Variants in KHDRBS2 observed in about 807,000 individuals in gnomAD.
KHDRBS2 encodes the protein KH RNA binding domain containing, signal transduction associated 2.
KHDRBS2 carries 26 observed loss-of-function variants against 44.3 expected under a neutral mutation model. The ratio of observed to expected loss-of-function variants is 0.59; its 90% CI spans 0.43 to 0.81. The LOEUF is 0.81. Ranked by LOEUF, KHDRBS2 falls within the 40% of genes least tolerant of loss-of-function variation. The pLI, the probability that KHDRBS2 is intolerant of heterozygous loss-of-function variation, is 0.00. For missense variants in KHDRBS2, 476 were observed against 433.1 expected (o/e 1.10, Z -0.88); for synonymous variants, 194 against 151.1 (o/e 1.28, Z -2.08).
intron 2 of KHDRBS2, among the ~76,000 whole-genome samples, chr6:62,124,619 A>C (rs1195398272): frequency 1.3e-5 from 2 of 150,310 alleles, no homozygotes; most frequent in Non-Finnish European, 3.0e-5. Flanking sequence ...ACACACACAC[A>C]CCACCTTTAT....
chr6:62,141,258 T>C lies in KHDRBS2; in HGVS notation c.219+35927A>G, dbSNP rs1330850561. Among the ~76,000 whole-genome samples the C allele has an allele frequency of 2.6e-5, 4 of 152,178 alleles. No homozygotes were observed. The East Asian group carries it at 5.8e-4, about 22-fold the overall frequency. On this transcript the variant is annotated intron_variant, in intron 2 of 8. Transcript: ENST00000281156. ...GAAGATATTAGACAGCAGCTAGATG[T>C]ATGCTTTCTTCGTACAATGGGGAGG... is the stretch of plus-strand genomic sequence containing the variant.
At chr6:61,662,929 T>C in the KHDRBS2 span, among the ~76,000 whole-genome samples, 1 of 152,018 alleles carries the variant, frequency 6.6e-6, no homozygotes, top group East Asian at 1.9e-4. Context: ...TAAATCATGC[T>C]GCTATAAAGA....
At chr6:61,593,345 T>C in the KHDRBS2 span, among the ~76,000 whole-genome samples, 2 of 152,106 alleles carry the variant, frequency 1.3e-5, no homozygotes, top group Admixed American at 6.6e-5. Context: ...GAAATGTTAA[T>C]CTGGAGAGTC....
At chr6:61,667,465 A>G in the KHDRBS2 span, among the ~76,000 whole-genome samples, 2 of 151,424 alleles carry the variant, frequency 1.3e-5, no homozygotes, top group South Asian at 2.1e-4. Flanking sequence ...GCATATTGAT[A>G]TTTATTCATT....
chr6:61,957,906 G>T (rs971134459), intron 4 of KHDRBS2, among the ~76,000 whole-genome samples: 1 of 151,762 alleles, frequency 6.6e-6, no homozygotes, highest in African/African-American at 2.4e-5. Flanking sequence ...ATGTTTCCCC[G>T]GACACCCAGC....
intron 6 of KHDRBS2, among the ~76,000 whole-genome samples, chr6:61,872,803 G>T (rs568983278): frequency 2.5e-4 from 38 of 152,170 alleles, no homozygotes; most frequent in East Asian, 5.8e-4. Flanking sequence ...CAATTAAAAA[G>T]ATATGAAAAT....
intron 2 of KHDRBS2, among the ~76,000 whole-genome samples, chr6:62,060,708 G>C (rs1407992017): frequency 2.6e-5 from 4 of 151,052 alleles, no homozygotes; most frequent in East Asian, 2.0e-4. Context: ...AATTGCTCTT[G>C]TCTGCTATAA....
chr6:62,147,414 G>A (rs964218842), intron 2 of KHDRBS2, among the ~76,000 whole-genome samples: 1 of 151,908 alleles, frequency 6.6e-6, no homozygotes, highest in African/African-American at 2.4e-5. Context: ...TAAAGAGACA[G>A]AGAAAGAGAA....
intron 1 of KHDRBS2, among the ~76,000 whole-genome samples, chr6:62,221,909 A>G (rs1830965628): frequency 6.6e-6 from 1 of 152,158 alleles, no homozygotes; most frequent in South Asian, 2.1e-4. Context: ...ATTTTTACAA[A>G]TTTTAGTAAC....
intron 3 of KHDRBS2, among the ~76,000 whole-genome samples, chr6:62,011,717 T>C (rs770245873): frequency 1.3e-5 from 2 of 152,156 alleles, no homozygotes; most frequent in Non-Finnish European, 2.9e-5. Flanking sequence ...ATGATTTTTG[T>C]GACTAATTTT....
chr6:61,901,429 GAA>G (rs202202725), intron 4 of KHDRBS2, 58 bp from the exon 5 acceptor site: 2,540 of 971,562 alleles, frequency 2.6e-3, no homozygotes, highest in South Asian at 4.7e-3. Context: ...CTCAGAGTTG[GAA>G]AAAAAAAAAA....
intron 1 of KHDRBS2, among the ~76,000 whole-genome samples, chr6:62,198,809 C>A: frequency 6.6e-6 from 1 of 152,048 alleles, no homozygotes; most frequent in African/African-American, 2.4e-5. Context: ...GACCAATATC[C>A]CTGATGAACA....
rs189943450 is a variant in KHDRBS2, at chr6:61,949,139, C to T, written c.483+28927G>A. On this transcript the variant is annotated intron_variant, in intron 4 of 8. Transcript: ENST00000281156. ...GAAGAGGCTGTGATTGTCATCCTGT[C>T]CCACTGAATAGTGGTAATTATGTTT... Among the ~76,000 whole-genome samples, 4 of 152,172 alleles carry T rather than the reference C, an allele frequency of 2.6e-5. No individual in the cohort carries two copies. The East Asian group carries it at 5.8e-4, about 22-fold the overall frequency.
chr6:62,105,614 G>T (rs1416721292), intron 2 of KHDRBS2, among the ~76,000 whole-genome samples: 4 of 152,192 alleles, frequency 2.6e-5, no homozygotes, highest in African/African-American at 9.6e-5. Context: ...CTGTGGGATT[G>T]GTGGTGATAT....
At chr6:62,030,673 C>T (rs1784185652) in intron 3 of KHDRBS2, among the ~76,000 whole-genome samples, 2 of 151,950 alleles carry the variant, frequency 1.3e-5, no homozygotes, top group Non-Finnish European at 2.9e-5. Flanking sequence ...AAATATTTAG[C>T]CGAAACATTA....
At chr6:61,622,816 A>T in the KHDRBS2 span, among the ~76,000 whole-genome samples, 2 of 152,134 alleles carry the variant, frequency 1.3e-5, no homozygotes, top group Non-Finnish European at 2.9e-5. Context: ...TGATAGGGGC[A>T]TCTGCATCAC....
rs796519360 is a variant in KHDRBS2, at chr6:62,282,402, A to G, written c.91+3456T>C. On this transcript the variant is annotated intron_variant, in intron 1 of 8. Transcript: ENST00000281156. ...GACATCGTCATATAATGAGTCAACC[A>G]AAATGGTTATGATTATTTCAGTGCT... is the stretch of plus-strand genomic sequence containing the variant. 2.6e-4 allele frequency among the ~76,000 whole-genome samples: 39 copies of G among 152,286 alleles called. 1 individual carries two copies. Among genetic ancestry groups the G allele is most frequent in the African/African-American group, 9.1e-4 (38 of 41,568 alleles).
At chr6:61,920,057 C>A (rs543113348) in intron 4 of KHDRBS2, among the ~76,000 whole-genome samples, 18 of 151,904 alleles carry the variant, frequency 1.2e-4, no homozygotes, top group Admixed American at 3.3e-4. Flanking sequence ...TATAGCATTA[C>A]TATACAGTGG....
chr6:61,830,100 G>T (rs1279909425), intron 6 of KHDRBS2, among the ~76,000 whole-genome samples: 1 of 152,080 alleles, frequency 6.6e-6, no homozygotes, highest in African/African-American at 2.4e-5. Flanking sequence ...TGAAGGAAAA[G>T]AAATATAAAA....
Sources: allele counts gnomAD v4.1 joint callset (sites outside exome capture counted in the v4.1 genomes callset), GRCh38; gene constraint gnomAD v4.1.1; transcripts MANE v1.5; gene names NCBI Gene and HGNC (gene_info 2026-07-23, HGNC 2026-07-21).